Variants in IAH1 observed in about 807,000 individuals in gnomAD.
IAH1 encodes the protein isoamyl acetate-hydrolyzing esterase 1 homolog.
IAH1 carries 24 observed loss-of-function variants against 26.7 expected under a neutral mutation model. The observed-to-expected ratio is 0.90, with a 90% confidence interval of 0.65 to 1.26. IAH1 has a LOEUF of 1.26. IAH1 is among the 50% of genes most tolerant of loss of function. The pLI is 0.00. For missense variants in IAH1, 300 were observed against 299.9 expected (o/e 1.00, Z 0.00); for synonymous variants, 140 against 118.5 (o/e 1.18, Z -1.18).
chr2:9,476,439 C>T (rs1660796135), intron 2 of IAH1, among the ~76,000 whole-genome samples: 1 of 152,224 alleles, frequency 6.6e-6, no homozygotes, highest in African/African-American at 2.4e-5. Context: ...TTCTACCGCA[C>T]TTTGTTTTGG....
downstream of IAH1, among the ~76,000 whole-genome samples, chr2:9,492,673 T>C (rs55855916): frequency 0.18 from 27,801 of 152,138 alleles, 2,681 homozygotes; most frequent in Middle Eastern, 0.29. Flanking sequence ...TCCTAAGAAA[T>C]TTATATATTA....
At position 9,489,191 on chromosome 2, in the gene IAH1, T is replaced by A. The variant is rs1661862500; in HGVS notation, c.*862T>A. On this transcript the variant is annotated 3_prime_UTR_variant, in exon 6 of 6. Coordinates refer to ENST00000497473, the MANE Select transcript of IAH1 (RefSeq NM_001039613.3). ...GTTGTTGTTAAGAAATATCTCACCC[T>A]CTTATTCAATAGTGTTTGAAAACAG... 6.6e-6 allele frequency: 1 copy of A among 151,820 alleles called. No homozygotes were observed. The highest frequency in any genetic ancestry group is 6.6e-5 in the Admixed American group (1 of 15,254). 9.4% of individuals were successfully genotyped at this position (151,820 alleles called of 1,614,324 possible).
chr2:9,491,485 C>T (rs1662145241), downstream of IAH1, among the ~76,000 whole-genome samples: 1 of 152,172 alleles, frequency 6.6e-6, no homozygotes, highest in Non-Finnish European at 1.5e-5. Flanking sequence ...ACAAATGTCC[C>T]AGATGCTGGG....
intron 2 of IAH1, 107 bp from the exon 3 acceptor site, chr2:9,478,109 GAGACAC>G: frequency 1.1e-6 from 1 of 893,784 alleles, no homozygotes; most frequent in Non-Finnish European, 1.7e-6. Context: ...GGGTGGCTCA[GAGACAC>G]GTGACGGGTT....
downstream of IAH1, chr2:9,494,695 T>G (rs1399068872): frequency 2.5e-6 from 4 of 1,614,074 alleles, no homozygotes; most frequent in African/African-American, 1.3e-5. Flanking sequence ...TAAGTTCTTT[T>G]GTTCAGCATC....
downstream of IAH1, chr2:9,492,790 C>T: frequency 1.1e-6 from 1 of 875,488 alleles, no homozygotes; most frequent in Non-Finnish European, 1.7e-6. Flanking sequence ...TTGGAAATAT[C>T]AGGCCAAACT....
At chr2:9,487,842 G>GCGCA (rs1553354425) in intron 5 of IAH1, among the ~76,000 whole-genome samples, 133 of 139,596 alleles carry the variant, frequency 9.5e-4, no homozygotes, top group African/African-American at 3.6e-3. Flanking sequence ...GTGCGCGCGC[G>GCGCA]CGCGCGCGCT....
chr2:9,497,975 C>T (rs1396301723), downstream of IAH1, among the ~76,000 whole-genome samples: 2 of 152,156 alleles, frequency 1.3e-5, no homozygotes, highest in African/African-American at 4.8e-5. Context: ...AAGTTATCTC[C>T]AATCCCTATC....
chr2:9,481,251 T>C (rs1404814036), intron 3 of IAH1, 35 bp from the exon 4 acceptor site: 2 of 1,603,572 alleles, frequency 1.2e-6, no homozygotes, highest in Non-Finnish European at 1.7e-6. Context: ...ATAATAAATA[T>C]GCATCTGGTG....
the IAH1 span, among the ~76,000 whole-genome samples, chr2:9,506,394 G>A: frequency 1.0e-3 from 124 of 124,144 alleles, 3 homozygotes; most frequent in Admixed American, 0.011. Context: ...TTTAGATGGA[G>A]TCTTGCTCTG....
At chr2:9,504,624 A>G in the IAH1 span, among the ~76,000 whole-genome samples, 80 of 147,880 alleles carry the variant, frequency 5.4e-4, no homozygotes, top group Non-Finnish European at 1.0e-3. Context: ...TTAGCCGGGC[A>G]TGGTGGTGCG....
the IAH1 span, chr2:9,510,073 G>A: frequency 6.2e-6 from 10 of 1,614,038 alleles, no homozygotes; most frequent in East Asian, 8.9e-5. Context: ...TAGACCATCC[G>A]GATCATGTTC....
chr2:9,491,741 G>C (rs1292907154), downstream of IAH1, among the ~76,000 whole-genome samples: 2 of 152,210 alleles, frequency 1.3e-5, no homozygotes, highest in African/African-American at 4.8e-5. Context: ...AGGTGACAGA[G>C]GGCAAGGACC....
intron 4 of IAH1, among the ~76,000 whole-genome samples, chr2:9,483,987 G>A (rs547390537): frequency 9.8e-5 from 15 of 152,320 alleles, no homozygotes; most frequent in African/African-American, 3.1e-4. Flanking sequence ...GCTGTGTTGC[G>A]GTCCAGCTGT....
chr2:9,490,603 C>G, downstream of IAH1: 1 of 1,350,284 alleles, frequency 7.4e-7, no homozygotes, highest in Non-Finnish European at 1.0e-6. Context: ...CATCAAACAG[C>G]CTCTTATTCT....
chr2:9,506,733 A>C, the IAH1 span: 1 of 152,222 alleles, frequency 6.6e-6, no homozygotes, highest in Non-Finnish European at 1.5e-5. Flanking sequence ...GGCAGTTGTC[A>C]TTTTGGTGGG....
At chr2:9,496,022 T>C (rs145842917) in intron 6 of IAH1, among the ~76,000 whole-genome samples, 52 of 152,216 alleles carry the variant, frequency 3.4e-4, no homozygotes, top group African/African-American at 1.2e-3. Context: ...CTACACATTA[T>C]TGAACTTGGA....
downstream of IAH1, among the ~76,000 whole-genome samples, chr2:9,492,328 G>C (rs1345907431): frequency 6.6e-6 from 1 of 152,186 alleles, no homozygotes; most frequent in Non-Finnish European, 1.5e-5. Flanking sequence ...AGGACCAGGA[G>C]TTCCTTAGTC....
chr2:9,494,609 A>C, downstream of IAH1: 1 of 1,608,402 alleles, frequency 6.2e-7, no homozygotes, highest in Non-Finnish European at 8.5e-7. Flanking sequence ...TCTGGCTGTT[A>C]CAGAAAAAGC....
Sources: gnomAD v4.1 joint callset for allele counts (sites outside exome capture counted in the v4.1 genomes callset) on GRCh38, gnomAD v4.1.1 for gene constraint, MANE v1.5 for transcripts, NCBI Gene and HGNC (gene_info 2026-07-23, HGNC 2026-07-21) for gene names.